APBA1: variants seen among roughly 807,000 people sequenced by gnomAD.
The protein encoded by APBA1 is amyloid-beta A4 precursor protein-binding family A member 1.
A neutral mutation model predicts 86.6 loss-of-function variants in APBA1; 55 were observed. The ratio of observed to expected loss-of-function variants is 0.64; its 90% CI spans 0.51 to 0.80. The LOEUF (loss-of-function observed/expected upper bound fraction) is 0.80. Ranked by LOEUF, APBA1 falls within the 30% of genes least tolerant of loss-of-function variation. APBA1 has a pLI of 0.00. For missense variants in APBA1, 1,090 were observed against 1,183.0 expected, an observed-to-expected ratio of 0.92 and a Z score of 1.15; for synonymous variants, 511 against 493.9, an observed-to-expected ratio of 1.03 and a Z score of -0.46.
At position 69,449,753 on chromosome 9, in the gene APBA1, A is replaced by G. The variant is rs1384330593; in HGVS notation, c.2012T>C (p.Ile671Thr). ...KQKGEILGVV[I>T]VESGWGSILP... Reference sequence around the variant, plus strand: ...GATGGATCCCCAGCCAGACTCCACAATCACCACACCTAGGATTTCTCCTTT... The same window carrying G: ...GATGGATCCCCAGCCAGACTCCACAGTCACCACACCTAGGATTTCTCCTTT... Residue 671 changes from isoleucine to threonine, a missense_variant, in exon 10 of 13, where the codon ATT becomes ACT. Coordinates refer to ENST00000265381, the MANE Select transcript of APBA1 (RefSeq NM_001163.4). 6.2e-7 allele frequency: 1 copy of G among 1,614,046 alleles called. No individual in the cohort carries two copies. The highest frequency in any genetic ancestry group is 1.3e-5 in the African/African-American group (1 of 75,044).
At chr9:69,659,671 A>C (rs1422329557) in intron 1 of APBA1, among the ~76,000 whole-genome samples, 1 of 152,364 alleles carries the variant, frequency 6.6e-6, no homozygotes, top group South Asian at 2.1e-4. Flanking sequence ...CTCTTCCCCA[A>C]GCAGGTTTCA....
intron 1 of APBA1, among the ~76,000 whole-genome samples, chr9:69,584,756 A>G (rs1424569782): frequency 1.3e-5 from 2 of 152,244 alleles, no homozygotes; most frequent in African/African-American, 4.8e-5. Flanking sequence ...AGCAAAGCTT[A>G]TATTCTTGTA....
intron 11 of APBA1, among the ~76,000 whole-genome samples, chr9:69,435,324 T>G (rs1244116077): frequency 1.3e-5 from 2 of 152,190 alleles, no homozygotes; most frequent in African/African-American, 4.8e-5. Context: ...ATGGGATGGC[T>G]GGGTCAAATG....
At chr9:69,514,460 G>A (rs576850589) in intron 2 of APBA1, among the ~76,000 whole-genome samples, 170 of 152,278 alleles carry the variant, frequency 1.1e-3, no homozygotes, top group African/African-American at 4.0e-3. Flanking sequence ...CATAGTGGAT[G>A]CGCCTGTCAT....
Position 69,477,393 on chromosome 9 carries a change from G to A in APBA1, c.1201-1250C>T, listed in dbSNP as rs570250027. 1.3e-4 allele frequency among the ~76,000 whole-genome samples: 19 copies of A among 148,554 alleles called. No homozygotes were observed. The South Asian group carries it at 2.2e-3, about 17-fold the overall frequency. Reference sequence around the variant, plus strand: ...CTGGAAAATCGGGTCACTCCCACCCGAATATTGCGCTTTTCGGACCGGCTT... The same window carrying A: ...CTGGAAAATCGGGTCACTCCCACCCAAATATTGCGCTTTTCGGACCGGCTT... On this transcript the variant is annotated intron_variant, in intron 2 of 12. Coordinates refer to ENST00000265381, the MANE Select transcript of APBA1 (RefSeq NM_001163.4).
Position 69,517,168 on chromosome 9 carries a change from C to A in APBA1, c.43G>T (p.Glu15Ter). Reference sequence around the variant, plus strand: ...TCGTTCACCTCCCCACCTGCCGCCTCGTCGGTCACCTCCACCTCCGCAGAC... The same window carrying A: ...TCGTTCACCTCCCCACCTGCCGCCTAGTCGGTCACCTCCACCTCCGCAGAC... ...EGSAEVEVTD[E>*]AAGGEVNESV... is the part of the protein sequence containing the mutation. Residue 15 changes from glutamate to a stop codon, truncating the protein, a stop_gained, in exon 2 of 13, where the codon GAG becomes TAG. Transcript: ENST00000265381. LOFTEE classifies it high-confidence loss of function. 1 of 1,554,246 alleles carries A rather than the reference C, an allele frequency of 6.4e-7. No homozygotes were observed. Among genetic ancestry groups the A allele is most frequent in the South Asian group, 1.2e-5 (1 of 81,636 alleles).
chr9:69,497,957 C>G (rs150971487), intron 2 of APBA1, among the ~76,000 whole-genome samples: 1 of 152,216 alleles, frequency 6.6e-6, no homozygotes, highest in African/African-American at 2.4e-5. Context: ...AGCCCAGTAG[C>G]TCTTTGCTGG....
intron 1 of APBA1, among the ~76,000 whole-genome samples, chr9:69,583,985 C>T (rs1821968852): frequency 2.0e-5 from 3 of 152,188 alleles, no homozygotes; most frequent in Admixed American, 2.0e-4. Flanking sequence ...AGAATAAATG[C>T]CAGCCGTTTT....
intron 2 of APBA1, among the ~76,000 whole-genome samples, chr9:69,483,214 C>T (rs1045707425): frequency 1.3e-5 from 2 of 149,012 alleles, no homozygotes; most frequent in African/African-American, 4.9e-5. Flanking sequence ...GGCTGCGCTG[C>T]TTCACAGTCT....
At chr9:69,606,179 T>C (rs926206618) in intron 1 of APBA1, among the ~76,000 whole-genome samples, 1 of 152,232 alleles carries the variant, frequency 6.6e-6, no homozygotes, top group Non-Finnish European at 1.5e-5. Context: ...CAAAGAGGGC[T>C]CCTTGCCCTC....
At chr9:69,506,036 GAA>G (rs928035611) in intron 2 of APBA1, among the ~76,000 whole-genome samples, 2 of 145,548 alleles carry the variant, frequency 1.4e-5, no homozygotes, top group African/African-American at 5.0e-5. Flanking sequence ...AGAAAAAGAA[GAA>G]AAAAAAAAGA....
chr9:69,582,869 C>T (rs1293649415), intron 1 of APBA1, among the ~76,000 whole-genome samples: 2 of 152,062 alleles, frequency 1.3e-5, no homozygotes, highest in Admixed American at 6.5e-5. Flanking sequence ...TGTAGACTCA[C>T]TATGTATTTG....
chr9:69,460,438 C>G (rs1259640003), intron 5 of APBA1, among the ~76,000 whole-genome samples: 1 of 152,168 alleles, frequency 6.6e-6, no homozygotes, highest in Non-Finnish European at 1.5e-5. Context: ...GATGTTCGGA[C>G]TGGCATCAGT....
At chr9:69,484,496 C>G (rs989784777) in intron 2 of APBA1, among the ~76,000 whole-genome samples, 1 of 152,160 alleles carries the variant, frequency 6.6e-6, no homozygotes, top group Non-Finnish European at 1.5e-5. Flanking sequence ...TGAGCTCATT[C>G]GAGTTTCCTC....
intron 1 of APBA1, among the ~76,000 whole-genome samples, chr9:69,574,236 G>T (rs1302651401): frequency 6.6e-6 from 1 of 152,170 alleles, no homozygotes; most frequent in Admixed American, 6.5e-5. Flanking sequence ...GCCCTGACGA[G>T]CAGGCACAGG....
intron 5 of APBA1, chr9:69,460,711 G>A (rs770058277): frequency 6.6e-6 from 1 of 150,812 alleles, no homozygotes; most frequent in Non-Finnish European, 1.5e-5. Context: ...AAGGCAAACT[G>A]AGTTTCATGA....
intron 1 of APBA1, among the ~76,000 whole-genome samples, chr9:69,524,169 G>T: frequency 6.6e-6 from 1 of 151,902 alleles, no homozygotes; most frequent in East Asian, 1.9e-4. Flanking sequence ...ATCACACCTA[G>T]AGGAACTAGA....
chr9:69,471,531 T>C (rs1835366870), intron 4 of APBA1, 125 bp downstream of exon 4: 3 of 791,758 alleles, frequency 3.8e-6, no homozygotes, highest in Admixed American at 2.2e-5. Context: ...ACTGCTAACA[T>C]TGTGAATAAG....
At chr9:69,562,454 A>G (rs1479946891) in intron 1 of APBA1, among the ~76,000 whole-genome samples, 1 of 151,494 alleles carries the variant, frequency 6.6e-6, no homozygotes, top group Non-Finnish European at 1.5e-5. Context: ...GGCTCACTGC[A>G]ACCTCTGCCT....
Sources: gnomAD v4.1 joint callset for allele counts (sites outside exome capture counted in the v4.1 genomes callset) on GRCh38, gnomAD v4.1.1 for gene constraint, MANE v1.5 for transcripts, NCBI Gene and HGNC (gene_info 2026-07-23, HGNC 2026-07-21) for gene names.